CTNNA3: variants seen among roughly 807,000 people sequenced by gnomAD.
The protein encoded by CTNNA3 is catenin alpha-3.
A neutral mutation model predicts 95.7 loss-of-function variants in CTNNA3; 76 were observed. That is an observed-to-expected ratio of 0.79 (90% CI 0.66 to 0.96). The LOEUF (loss-of-function observed/expected upper bound fraction) is 0.96, where lower values mean the gene tolerates loss of function less well. Among genes scored for constraint, CTNNA3 ranks in the 40% least tolerant of loss-of-function variants. The pLI is 0.00. For synonymous variants in CTNNA3, 431 were observed against 374.4 expected (o/e 1.15, Z -1.74); for missense variants, 1,191 against 1,089.8 (o/e 1.09, Z -1.31).
chr10:67,494,398 T>C (rs1437991421), intron 5 of CTNNA3, among the ~76,000 whole-genome samples: 2 of 152,256 alleles, frequency 1.3e-5, no homozygotes, highest in African/African-American at 4.8e-5. Context: ...ATAATTCAAT[T>C]AATTTCAAAA....
intron 17 of CTNNA3, among the ~76,000 whole-genome samples, chr10:65,938,503 AG>A (rs1333852486): frequency 1.3e-5 from 2 of 152,156 alleles, no homozygotes; most frequent in Non-Finnish European, 2.9e-5. Flanking sequence ...GGGGACTTTA[AG>A]GGGTTGGAAG....
At chr10:66,445,921 C>T (rs754431462) in intron 11 of CTNNA3, among the ~76,000 whole-genome samples, 6 of 151,830 alleles carry the variant, frequency 4.0e-5, no homozygotes, top group Non-Finnish European at 5.9e-5. Flanking sequence ...ATTGATAGAC[C>T]GCTATCAAGG....
chr10:66,784,157 C>T (rs1275216217), intron 7 of CTNNA3, among the ~76,000 whole-genome samples: 1 of 152,104 alleles, frequency 6.6e-6, no homozygotes, highest in African/African-American at 2.4e-5. Context: ...TGCTGATTAA[C>T]ATAAATATTT....
intron 5 of CTNNA3, among the ~76,000 whole-genome samples, chr10:67,462,915 T>TC (rs1200703127): frequency 6.6e-6 from 1 of 151,764 alleles, no homozygotes; most frequent in African/African-American, 2.4e-5. Context: ...TTTTTCTTTT[T>TC]TTTTTTTGAG....
chr10:67,097,416 C>T (rs1858067565), intron 7 of CTNNA3, among the ~76,000 whole-genome samples: 1 of 151,818 alleles, frequency 6.6e-6, no homozygotes, highest in Non-Finnish European at 1.5e-5. Context: ...TTGCACTGAT[C>T]TCACCATATA....
intron 8 of CTNNA3, among the ~76,000 whole-genome samples, chr10:66,774,648 T>C (rs1001051397): frequency 6.6e-6 from 1 of 152,190 alleles, no homozygotes; most frequent in Non-Finnish European, 1.5e-5. Flanking sequence ...ACTACGATAA[T>C]ACATTGCATT....
Position 67,402,874 on chromosome 10 carries a change from G to C in CTNNA3, c.579+118968C>G, listed in dbSNP as rs534646549. Among the ~76,000 whole-genome samples, 4 of 152,316 alleles carry C rather than the reference G, an allele frequency of 2.6e-5. No individual in the cohort carries two copies. In the East Asian group the frequency reaches 7.7e-4, roughly 29 times the overall value. Reference sequence around the variant, plus strand: ...CCCTGGCAAAGGTGACTACAACTCAGTCAAGGCGGGAGGTCCATACATACC... The same window carrying C: ...CCCTGGCAAAGGTGACTACAACTCACTCAAGGCGGGAGGTCCATACATACC... On this transcript the variant is annotated intron_variant, in intron 5 of 17. Transcript: ENST00000433211.
intron 5 of CTNNA3, among the ~76,000 whole-genome samples, chr10:67,514,393 G>T (rs1261436060): frequency 6.6e-6 from 1 of 152,144 alleles, no homozygotes; most frequent in Non-Finnish European, 1.5e-5. Context: ...CATAGCCTCT[G>T]TAATTTGCAT....
intron 5 of CTNNA3, among the ~76,000 whole-genome samples, chr10:67,376,033 A>C (rs1273253134): frequency 2.0e-5 from 3 of 152,148 alleles, no homozygotes; most frequent in African/African-American, 4.8e-5. Context: ...GTCTATGAGA[A>C]AGTGGGCCCT....
chr10:66,785,079 G>T (rs1475843304), intron 7 of CTNNA3, among the ~76,000 whole-genome samples: 1 of 152,122 alleles, frequency 6.6e-6, no homozygotes, highest in Non-Finnish European at 1.5e-5. Flanking sequence ...GGGTCACCTT[G>T]TTTTTTTGTT....
At chr10:66,204,069 G>T (rs1219215266) in intron 13 of CTNNA3, among the ~76,000 whole-genome samples, 1 of 152,044 alleles carries the variant, frequency 6.6e-6, no homozygotes, top group Non-Finnish European at 1.5e-5. Context: ...TACCAAGCGT[G>T]AATAAAAAGT....
intron 13 of CTNNA3, among the ~76,000 whole-genome samples, chr10:66,255,135 G>A (rs1477953407): frequency 3.3e-5 from 5 of 152,090 alleles, no homozygotes; most frequent in African/African-American, 4.8e-5. Context: ...ACATCACATC[G>A]CAAGTCACGG....
rs1293037769 is a variant in CTNNA3 at position 65,914,594 on chromosome 10, A to G, written c.*5736T>C. On this transcript the variant is annotated 3_prime_UTR_variant, in exon 18 of 18. Coordinates refer to ENST00000433211, the MANE Select transcript of CTNNA3 (RefSeq NM_013266.4). ...TACAGGGAAACTTTATCCTACTACAATAATCCTTGGCCAACACTCTGCTGC... is the reference window on the plus strand; with the variant it reads ...TACAGGGAAACTTTATCCTACTACAGTAATCCTTGGCCAACACTCTGCTGC... 2 of 152,272 alleles carry G rather than the reference A, an allele frequency of 1.3e-5. No homozygotes were observed. Among genetic ancestry groups the G allele is most frequent in the Middle Eastern group, 3.4e-3 (1 of 294 alleles). 9.4% of individuals were successfully genotyped at this position (152,272 alleles called of 1,614,324 possible).
intron 11 of CTNNA3, among the ~76,000 whole-genome samples, chr10:66,496,468 C>T (rs1239009566): frequency 2.0e-5 from 3 of 152,052 alleles, no homozygotes; most frequent in Non-Finnish European, 4.4e-5. Context: ...ATCACATGAT[C>T]CATACGAGAA....
intron 10 of CTNNA3, among the ~76,000 whole-genome samples, chr10:66,557,951 T>C (rs1842441616): frequency 6.6e-6 from 1 of 152,236 alleles, no homozygotes; most frequent in East Asian, 1.9e-4. Context: ...AACAGTTCAC[T>C]AGTAATTGAG....
chr10:66,806,506 G>A (rs1385850260), intron 7 of CTNNA3, among the ~76,000 whole-genome samples: 2 of 151,934 alleles, frequency 1.3e-5, no homozygotes, highest in African/African-American at 4.8e-5. Context: ...TCAAAATTGT[G>A]CTAAAAATTG....
chr10:65,954,764 G>A (rs1481904912), intron 17 of CTNNA3, among the ~76,000 whole-genome samples: 1 of 152,186 alleles, frequency 6.6e-6, no homozygotes, highest in African/African-American at 2.4e-5. Flanking sequence ...TTTGGTACCA[G>A]TACCATGCTG....
At chr10:66,851,783 G>C (rs980642627) in intron 7 of CTNNA3, among the ~76,000 whole-genome samples, 3 of 152,112 alleles carry the variant, frequency 2.0e-5, no homozygotes, top group African/African-American at 7.2e-5. Context: ...ACAGCCTGCA[G>C]AACTATGAGC....
intron 5 of CTNNA3, among the ~76,000 whole-genome samples, chr10:67,441,358 G>T (rs749690420): frequency 6.6e-6 from 1 of 151,506 alleles, no homozygotes; most frequent in Non-Finnish European, 1.5e-5. Context: ...TGGTCTTAAA[G>T]AGGAGGTAGA....
Sources: gnomAD v4.1 joint callset for allele counts (sites outside exome capture counted in the v4.1 genomes callset) on GRCh38, gnomAD v4.1.1 for gene constraint, MANE v1.5 for transcripts, NCBI Gene and HGNC (gene_info 2026-07-23, HGNC 2026-07-21) for gene names.